RGL2: variants seen among roughly 807,000 people sequenced by gnomAD.
RGL2 encodes the protein ral guanine nucleotide dissociation stimulator like 2.
RGL2 carries 40 observed loss-of-function variants against 84.6 expected under a neutral mutation model. The observed-to-expected ratio is 0.47, with a 90% CI of 0.37 to 0.62. The LOEUF is 0.62. RGL2 is among the 20% of genes least tolerant of loss of function. The pLI is 0.00. For synonymous variants in RGL2, 369 were observed against 417.3 expected, an observed-to-expected ratio of 0.88 and a Z score of 1.41; for missense variants, 865 against 1,019.7, an observed-to-expected ratio of 0.85 and a Z score of 2.07.
Position 33,293,400 on chromosome 6 carries a change from G to A in RGL2, c.1716+13C>T, listed in dbSNP as rs757493426. 188 of 1,611,112 alleles carry A rather than the reference G, an allele frequency of 1.2e-4. 2 individuals carry two copies. The South Asian group carries it at 2.1e-3, about 18-fold the overall frequency. ...GGGTCAGCGTCAAGGTCAGAGTCAG[G>A]AGCAGAGCTCACCTGGGCCAGCCGA... is the stretch of plus-strand genomic sequence containing the variant. On this transcript the variant is annotated intron_variant, in intron 15 of 17. Transcript: ENST00000497454. This position sits in a 1 kb window ranked among gnomAD's most constrained non-coding sequence, Gnocchi z 7.0.
Position 33,296,122 on chromosome 6 carries a change from G to A in RGL2, c.674C>T (p.Pro225Leu). Residue 225 changes from proline to leucine, a missense_variant, in exon 6 of 18, where the codon CCC becomes CTC. Pro to Leu is a moderately conservative substitution (Grantham distance 98, BLOSUM62 -3). Coordinates refer to ENST00000497454, the MANE Select transcript of RGL2 (RefSeq NM_004761.5). The surrounding 1 kb of genome is among the most constrained non-coding windows in gnomAD (Gnocchi z 5.0). ...VDPQAPDLPK[P>L]LALPGDPPAD... ...AGGGGGATCGCCGGGGAGGGCCAGG[G>A]GCTTAGGAAGGTCGGGGGCCTGGGG... 6.2e-7 allele frequency: 1 copy of A among 1,613,950 alleles called. No individual in the cohort carries two copies. Among genetic ancestry groups the A allele is most frequent in the South Asian group, 1.1e-5 (1 of 91,074 alleles).
In RGL2 at chr6:33,292,995, T is replaced by C; in HGVS notation, c.2007+21A>G. On this transcript the variant is annotated intron_variant, in intron 16 of 17. Coordinates refer to ENST00000497454, the MANE Select transcript of RGL2 (RefSeq NM_004761.5). ...ACAAGACACCATCCTTCACCCCAAC[T>C]CCATCCCAAGGCTCCCTCACCAAAA... The C allele has an allele frequency of 1.9e-6, 3 of 1,613,982 alleles. No homozygotes were observed. The South Asian group carries it at 3.3e-5, about 18-fold the overall frequency.
chr6:33,296,828 G>C lies in RGL2; in HGVS notation c.241-52C>G, dbSNP rs757995840. ...AACCCTTTCTCCCACTCTGCACCTA[G>C]ATTTCTGAGGACAATCCCAGACCCA... is the stretch of plus-strand genomic sequence containing the variant. On this transcript the variant is annotated intron_variant, in intron 3 of 17. Coordinates refer to ENST00000497454, the MANE Select transcript of RGL2 (RefSeq NM_004761.5). The surrounding 1 kb of genome is among the most constrained non-coding windows in gnomAD (Gnocchi z 5.0). 1.2e-6 allele frequency: 2 copies of C among 1,606,384 alleles called. No homozygotes were observed. The highest frequency in any genetic ancestry group is 1.3e-5 in the African/African-American group (1 of 74,714).
rs778380329 is a variant in RGL2 at position 33,292,204 on chromosome 6, G to A, written c.2232C>T (p.Thr744=). The A allele has an allele frequency of 6.2e-7, 1 of 1,614,228 alleles. No homozygotes were observed. The highest frequency in any genetic ancestry group is 8.5e-7 in the Non-Finnish European group (1 of 1,180,032). Residue 744 remains threonine, a synonymous_variant, in exon 18 of 18, where the codon ACC becomes ACT. Coordinates refer to ENST00000497454, the MANE Select transcript of RGL2 (RefSeq NM_004761.5). ...RRSSTATPGV[T]SGPSASGTPP... is the part of the protein sequence containing the mutation. ...GAGTTCCTGAGGCAGACGGGCCACT[G>A]GTGACGCCAGGTGTAGCAGTAGAGG...
rs749594879 is a variant in RGL2, at chr6:33,292,967, CCAA to C, written c.2007+46_2007+48del. ...CCAAACCTCAGACAACATTTATAGT[CCAA>C]CAAGACACCATCCTTCACCCCAACT... is the stretch of plus-strand genomic sequence containing the variant. On this transcript the variant is annotated intron_variant, in intron 16 of 17. Transcript: ENST00000497454. 36 of 1,609,954 alleles carry C rather than the reference CCAA, an allele frequency of 2.2e-5. No homozygotes were observed. In the South Asian group the frequency reaches 2.9e-4, roughly 13 times the overall value.
chr6:33,295,616 AG>A lies in RGL2; in HGVS notation c.911del (p.Ser304LeufsTer15). On this transcript the variant is annotated frameshift_variant, in exon 7 of 18. Transcript: ENST00000497454. LOFTEE classifies it high-confidence loss of function. This position sits in a 1 kb window ranked among gnomAD's most constrained non-coding sequence, Gnocchi z 7.2. ...FNKVAGAVVS[S>X]VLGATSTGEG... ...CTCCAGTGGAAGTAGCCCCCAGGACAGAACTAACCACTGCCCCTGCCACCTT... is the reference window on the plus strand; with the variant it reads ...CTCCAGTGGAAGTAGCCCCCAGGACAAACTAACCACTGCCCCTGCCACCTT... The A allele has an allele frequency of 6.2e-7, 1 of 1,614,000 alleles. No homozygotes were observed. Among genetic ancestry groups the A allele is most frequent in the Non-Finnish European group, 8.5e-7 (1 of 1,180,036 alleles).
Position 33,294,884 on chromosome 6 carries a change from C to T in RGL2, c.1278+93G>A. 6.7e-7 allele frequency: 1 copy of T among 1,497,042 alleles called. No individual in the cohort carries two copies. Among genetic ancestry groups the T allele is most frequent in the South Asian group, 1.2e-5 (1 of 82,584 alleles). 92.7% of individuals were successfully genotyped at this position (1,497,042 alleles called of 1,614,324 possible). A position where few individuals can be genotyped will look rare whatever the true frequency, so the allele number is the denominator to read the frequency against. On this transcript the variant is annotated intron_variant, in intron 10 of 17. Coordinates refer to ENST00000497454, the MANE Select transcript of RGL2 (RefSeq NM_004761.5). This position sits in a 1 kb window ranked among gnomAD's most constrained non-coding sequence, Gnocchi z 5.0. ...TCATTCTCCTCACCCCTCTGTGCCT[C>T]CCTTACCCATCCTTCAGGCTGCTCC...
In RGL2 at chr6:33,293,372, T is replaced by C. The variant is rs1767621349; in HGVS notation, c.1716+41A>G. 4.4e-6 allele frequency: 7 copies of C among 1,597,374 alleles called. No homozygotes were observed. The highest frequency in any genetic ancestry group is 6.0e-6 in the Non-Finnish European group (7 of 1,173,100). Reference sequence around the variant, plus strand: ...GTTTAAGGAAGAAACATTTACAGAGTGAGGGTCAGCGTCAAGGTCAGAGTC... The same window carrying C: ...GTTTAAGGAAGAAACATTTACAGAGCGAGGGTCAGCGTCAAGGTCAGAGTC... On this transcript the variant is annotated intron_variant, in intron 15 of 17. Coordinates refer to ENST00000497454, the MANE Select transcript of RGL2 (RefSeq NM_004761.5). The surrounding 1 kb of genome is among the most constrained non-coding windows in gnomAD (Gnocchi z 7.0).
At position 33,294,982 on chromosome 6, in the gene RGL2, C is replaced by T; in HGVS notation, c.1273G>A (p.Gly425Ser). 1 of 1,577,060 alleles carries T rather than the reference C, an allele frequency of 6.3e-7. No homozygotes were observed. Among genetic ancestry groups the T allele is most frequent in the Non-Finnish European group, 8.6e-7 (1 of 1,161,212 alleles). The change falls in exon 10 of 18, where the codon GGT becomes AGT. Residue 425 changes from glycine (G) to serine (S), a missense_variant. Coordinates refer to ENST00000497454, the MANE Select transcript of RGL2 (RefSeq NM_004761.5). This position sits in a 1 kb window ranked among gnomAD's most constrained non-coding sequence, Gnocchi z 5.0. ...SKKAPRSGSR[G>S]GGVVPYLGTF... ...CCACCCCGCTAGTCACTCACCCCACCCCGGGAGCCAGACCTCGGGGCCTTC... is the reference window on the plus strand; with the variant it reads ...CCACCCCGCTAGTCACTCACCCCACTCCGGGAGCCAGACCTCGGGGCCTTC...
Position 33,293,441 on chromosome 6 carries a change from G to C in RGL2, c.1688C>G (p.Pro563Arg). ...GGCCAGCCGAGTCAGCAGAGGAGCA[G>C]GAGTTGTAGGCGCCTCATCTCCCCC... ...STGGDEAPTT[P>R]APLLTRLAQH... Residue 563 changes from proline (P) to arginine (R), a missense_variant, in exon 15 of 18, where the codon CCT becomes CGT. By Grantham distance (103) the Pro-to-Arg change is moderately radical (BLOSUM62 -2). Around this residue, in one of 5 missense-constraint regions of RGL2, gnomAD observed 302 missense variants for 327.9 expected, o/e 0.92. Transcript: ENST00000497454. The surrounding 1 kb of genome is among the most constrained non-coding windows in gnomAD (Gnocchi z 7.0). 1 of 1,614,126 alleles carries C rather than the reference G, an allele frequency of 6.2e-7. No individual in the cohort carries two copies. The highest frequency in any genetic ancestry group is 8.5e-7 in the Non-Finnish European group (1 of 1,179,976).
At chr6:33,299,973 CTG>C, upstream of RGL2, 1 of 153,850 alleles carries the variant, frequency 6.5e-6, no homozygotes, top group Admixed American at 6.5e-5. The surrounding 1 kb of genome is among the most constrained non-coding windows in gnomAD (Gnocchi z 5.0). Context: ...TTAAATACAA[CTG>C]TGGTGAACCG....
At chr6:33,301,573 C>CA (rs11350807), upstream of RGL2, 30,079 of 421,712 alleles carry the variant, frequency 0.071, 2 homozygotes, top group East Asian at 0.11. Context: ...GACTCCGTCT[C>CA]AAAAAAAAAA....
chr6:33,298,697 C>G lies in RGL2; in HGVS notation c.-41-46G>C. On this transcript the variant is annotated intron_variant, in intron 1 of 17. Coordinates refer to ENST00000497454, the MANE Select transcript of RGL2 (RefSeq NM_004761.5). The surrounding 1 kb of genome is among the most constrained non-coding windows in gnomAD (Gnocchi z 4.8). ...GTGGGGGTGGAGAGTCAGGCAGGCG[C>G]GGGGGAACCGGGCAGGGAAGGGACG... 1.3e-6 allele frequency: 1 copy of G among 748,682 alleles called. No individual in the cohort carries two copies. The highest frequency in any genetic ancestry group is 1.9e-6 in the Non-Finnish European group (1 of 518,090). 46.4% of individuals were successfully genotyped at this position (748,682 alleles called of 1,614,324 possible).
chr6:33,297,315 G>T lies in RGL2; in HGVS notation c.157-200C>A, dbSNP rs1581722283. On this transcript the variant is annotated intron_variant, in intron 2 of 17. Transcript: ENST00000497454. This position sits in a 1 kb window ranked among gnomAD's most constrained non-coding sequence, Gnocchi z 4.0. Reference sequence around the variant, plus strand: ...GGGCCCAGACAGCCCCACCCCAGCCGCCTCAGGGCCCCGGTGGAGTCGAAG... The same window carrying T: ...GGGCCCAGACAGCCCCACCCCAGCCTCCTCAGGGCCCCGGTGGAGTCGAAG... 3 of 516,814 alleles carry T rather than the reference G, an allele frequency of 5.8e-6. No individual in the cohort carries two copies. The highest frequency in any genetic ancestry group is 6.0e-5 in the East Asian group (2 of 33,264). 32.0% of individuals were successfully genotyped at this position (516,814 alleles called of 1,614,324 possible). A position where few individuals can be genotyped will look rare whatever the true frequency, so the allele number is the denominator to read the frequency against.
At position 33,296,529 on chromosome 6, in the gene RGL2, G is replaced by A; in HGVS notation, c.420-65C>T. On this transcript the variant is annotated intron_variant, in intron 4 of 17. Coordinates refer to ENST00000497454, the MANE Select transcript of RGL2 (RefSeq NM_004761.5). The surrounding 1 kb of genome is among the most constrained non-coding windows in gnomAD (Gnocchi z 5.0). ...AACCCTCAGTGGCTTTGACTATTTTGGTGGGATGTTGCGGCTTTAGGAAAT... is the reference window on the plus strand; with the variant it reads ...AACCCTCAGTGGCTTTGACTATTTTAGTGGGATGTTGCGGCTTTAGGAAAT... 6.3e-7 allele frequency: 1 copy of A among 1,585,976 alleles called. No individual in the cohort carries two copies. Among genetic ancestry groups the A allele is most frequent in the African/African-American group, 1.3e-5 (1 of 74,312 alleles).
At chr6:33,292,901 A>T in intron 16 of RGL2, 115 bp downstream of exon 16, 1 of 1,301,964 alleles carries the variant, frequency 7.7e-7, no homozygotes, top group Non-Finnish European at 1.1e-6. Flanking sequence ...TGCCAAAACC[A>T]AAGGTCAAAA....
At position 33,296,866 on chromosome 6, in the gene RGL2, G is replaced by C; in HGVS notation, c.241-90C>G. On this transcript the variant is annotated intron_variant, in intron 3 of 17. Transcript: ENST00000497454. The surrounding 1 kb of genome is among the most constrained non-coding windows in gnomAD (Gnocchi z 5.0). Reference sequence around the variant, plus strand: ...AATCCCAGACCCAGGAGATGTTCCAGACTCATTTTTCTGATATTCAGAGAG... The same window carrying C: ...AATCCCAGACCCAGGAGATGTTCCACACTCATTTTTCTGATATTCAGAGAG... 6.4e-7 allele frequency: 1 copy of C among 1,570,512 alleles called. No individual in the cohort carries two copies. Among genetic ancestry groups the C allele is most frequent in the East Asian group, 2.2e-5 (1 of 44,610 alleles).
In RGL2 at chr6:33,293,029, T is replaced by C. The variant is rs1228454088; in HGVS notation, c.1994A>G (p.Tyr665Cys). The C allele has an allele frequency of 1.2e-5, 20 of 1,614,134 alleles. No individual in the cohort carries two copies. The highest frequency in any genetic ancestry group is 2.2e-5 in the East Asian group (1 of 44,894). ...AGGCTCCCTCACCAAAATGCTCTTATAGACACTGCCATCTTCCCCCAACTC... is the reference window on the plus strand; with the variant it reads ...AGGCTCCCTCACCAAAATGCTCTTACAGACACTGCCATCTTCCCCCAACTC... ...QMELGEDGSV[Y>C]KSILVTSQDK... The change falls in exon 16 of 18, where the codon TAT (tyrosine) becomes TGT (cysteine). Residue 665 changes from tyrosine to cysteine, a missense_variant. Physicochemically the swap from Tyr to Cys is radical, Grantham distance 194. This residue lies in a region of RGL2 where 302 missense variants were observed against 327.9 expected (regional missense o/e 0.92). Coordinates refer to ENST00000497454, the MANE Select transcript of RGL2 (RefSeq NM_004761.5). This position sits in a 1 kb window ranked among gnomAD's most constrained non-coding sequence, Gnocchi z 7.0.
Position 33,293,985 on chromosome 6 carries a change from T to C in RGL2, c.1386+49A>G, listed in dbSNP as rs368176076. 1.3e-5 allele frequency: 21 copies of C among 1,613,858 alleles called. No homozygotes were observed. The African/African-American group carries it at 1.7e-4, about 13-fold the overall frequency. On this transcript the variant is annotated intron_variant, in intron 12 of 17. Transcript: ENST00000497454. The surrounding 1 kb of genome is among the most constrained non-coding windows in gnomAD (Gnocchi z 7.0). ...CCCTGACTTTTCCCCCTCCCCTTCC[T>C]GGAACATGGATAGGGAAGTCCAGCA...
Sources: gnomAD v4.1 joint callset for allele counts on GRCh38, gnomAD v4.1.1 for gene constraint, gnomAD v4.1.1 regional missense constraint, Gnocchi (gnomAD v3.1) non-coding constraint, MANE v1.5 for transcripts, NCBI Gene and HGNC (gene_info 2026-07-23, HGNC 2026-07-21) for gene names.